Variants in TRMT1 observed in about 807,000 individuals in gnomAD.
TRMT1 encodes the protein tRNA (guanine(26)-N(2))-dimethyltransferase.
TRMT1 carries 63 observed loss-of-function variants against 75.4 expected under a neutral mutation model. The ratio of observed to expected loss-of-function variants is 0.84; its 90% CI spans 0.68 to 1.03. TRMT1 has a LOEUF of 1.03. Among genes scored for constraint, TRMT1 ranks in the 50% least tolerant of loss-of-function variants. The pLI is 0.00. For synonymous variants in TRMT1, 382 were observed against 358.1 expected, an observed-to-expected ratio of 1.07 and a Z score of -0.75; for missense variants, 870 against 905.3, an observed-to-expected ratio of 0.96 and a Z score of 0.50.
At chr19:13,112,264 C>T (rs1361148326) in intron 7 of TRMT1, among the ~76,000 whole-genome samples, 1 of 152,108 alleles carries the variant, frequency 6.6e-6, no homozygotes, top group Non-Finnish European at 1.5e-5. Context: ...GCTGGGATTA[C>T]AGGTGTGAGC....
chr19:13,116,488 CG>C (rs2019369779), intron 1 of TRMT1, 57 bp from the exon 2 acceptor site: 2 of 1,503,010 alleles, frequency 1.3e-6, no homozygotes, highest in South Asian at 1.3e-5. Context: ...ATTCCGGGCC[CG>C]GGGATGTCCT....
At chr19:13,113,981 C>T (rs530661268) in intron 5 of TRMT1, among the ~76,000 whole-genome samples, 9 of 152,152 alleles carry the variant, frequency 5.9e-5, no homozygotes, top group African/African-American at 1.9e-4. Flanking sequence ...TGGCCTCAAG[C>T]GATCCTCCTG....
chr19:13,107,857 G>A lies in TRMT1; in HGVS notation c.1400C>T (p.Ser467Leu), dbSNP rs1401241989. The A allele has an allele frequency of 7.1e-6, 11 of 1,551,462 alleles. No homozygotes were observed. The highest frequency in any genetic ancestry group is 2.4e-5 in the East Asian group (1 of 40,916). ...CNTPSLLQLR[S>L]ALLHADFRVS... ...CCGGAAGTCAGCGTGGAGGAGGGCC[G>A]ACCTGGGGAACAGCAGGGATTATGA... is the stretch of plus-strand genomic sequence containing the variant. Residue 467 changes from serine to leucine, a missense_variant and splice_region_variant, in exon 13 of 17, where the codon TCG (serine) becomes TTG (leucine). By Grantham distance (145) the Ser-to-Leu change is moderately radical. Transcript: ENST00000357720.
At chr19:13,112,123 G>A (rs1025373765) in intron 7 of TRMT1, among the ~76,000 whole-genome samples, 3 of 152,014 alleles carry the variant, frequency 2.0e-5, no homozygotes, top group African/African-American at 2.4e-5. Context: ...CTGAGTAGCC[G>A]GGATTACAGG....
chr19:13,115,605 G>T (rs778151722), intron 4 of TRMT1, 21 bp downstream of exon 4: 1 of 1,613,042 alleles, frequency 6.2e-7, no homozygotes, highest in Admixed American at 1.7e-5. Flanking sequence ...AGGGCTGCCA[G>T]CTCCTATGCT....
rs572800187 is a variant in TRMT1 at position 13,109,687 on chromosome 19, G to A, written c.1177-3C>T. The A allele has an allele frequency of 6.2e-7, 1 of 1,613,886 alleles. No homozygotes were observed. Among genetic ancestry groups the A allele is most frequent in the Admixed American group, 1.7e-5 (1 of 60,006 alleles). Reference sequence around the variant, plus strand: ...TCTGCCCACATGGGGCCACCAAGCTGGGGGCGCACCGGGGACAGGTGAGCA... The same window carrying A: ...TCTGCCCACATGGGGCCACCAAGCTAGGGGCGCACCGGGGACAGGTGAGCA... On this transcript the variant is annotated splice_polypyrimidine_tract_variant and splice_region_variant and intron_variant, in intron 10 of 16. Coordinates refer to ENST00000357720, the MANE Select transcript of TRMT1 (RefSeq NM_001136035.4).
chr19:13,109,944 G>C lies in TRMT1; in HGVS notation c.1077C>G (p.Leu359=), dbSNP rs764720724. Residue 359 remains leucine, a synonymous_variant, in exon 9 of 17, where the codon CTC becomes CTG. Transcript: ENST00000357720. ...VGCGAFHLQR[L]GKASGVPSGR... is the part of the protein sequence containing the mutation. The stretch of plus-strand genomic sequence containing the variant: ...CGCTGGGGACTCCTGACGCTTTGCC[G>C]AGACGCTGAAGGTGGAAGGCCCCGC... 6.2e-7 allele frequency: 1 copy of C among 1,613,912 alleles called. No homozygotes were observed. Among genetic ancestry groups the C allele is most frequent in the South Asian group, 1.1e-5 (1 of 91,082 alleles).
intron 14 of TRMT1, among the ~76,000 whole-genome samples, chr19:13,106,886 T>A (rs56045454): frequency 2.7e-5 from 4 of 150,188 alleles, no homozygotes; most frequent in South Asian, 4.2e-4. Flanking sequence ...GCAGTGGCGC[T>A]ATCTCGGCTC....
chr19:13,110,137 G>GC (rs764365199), intron 8 of TRMT1, 21 bp downstream of exon 8: 1 of 1,611,324 alleles, frequency 6.2e-7, no homozygotes, highest in Non-Finnish European at 8.5e-7. Flanking sequence ...ATCCACCACC[G>GC]CTCTCTGCCC....
intron 4 of TRMT1, 22 bp from the exon 5 acceptor site, chr19:13,115,488 C>T: frequency 6.2e-7 from 1 of 1,606,136 alleles, no homozygotes; most frequent in Non-Finnish European, 8.5e-7. Context: ...AGCAGAAAAC[C>T]TCCCTCACAT....
At position 13,107,573 on chromosome 19, in the gene TRMT1, C is replaced by T. The variant is rs762280388; in HGVS notation, c.1583+1G>A. On this transcript the variant is annotated splice_donor_variant, in intron 14 of 16. Coordinates refer to ENST00000357720, the MANE Select transcript of TRMT1 (RefSeq NM_001136035.4). LOFTEE classifies it high-confidence loss of function. Reference sequence around the variant, plus strand: ...CCGCTCCTGCATGTGCTTGCCCCTACCTGGGCTCCACACTGAGAATGCGGA... The same window carrying T: ...CCGCTCCTGCATGTGCTTGCCCCTATCTGGGCTCCACACTGAGAATGCGGA... 2.5e-6 allele frequency: 4 copies of T among 1,600,838 alleles called. No individual in the cohort carries two copies. The African/African-American group carries it at 5.4e-5, about 21-fold the overall frequency.
intron 14 of TRMT1, among the ~76,000 whole-genome samples, chr19:13,106,779 G>A (rs955640707): frequency 4.7e-5 from 7 of 149,808 alleles, no homozygotes; most frequent in African/African-American, 7.4e-5. Flanking sequence ...GAGCCACTAC[G>A]CCCAGCCCAG....
In TRMT1 at chr19:13,116,150, G is replaced by A; in HGVS notation, c.250C>T (p.Leu84=). ...YNPVQEFNRD[L]TCAVITEFAR... Reference sequence around the variant, plus strand: ...TAACGTCTGACCCCTGCTCACGTCAGGTCCCGATTGAATTCCTGCACCGGG... The same window carrying A: ...TAACGTCTGACCCCTGCTCACGTCAAGTCCCGATTGAATTCCTGCACCGGG... Residue 84 remains leucine, a synonymous_variant, in exon 2 of 17, where the codon CTG becomes TTG. Coordinates refer to ENST00000357720, the MANE Select transcript of TRMT1 (RefSeq NM_001136035.4). The A allele has an allele frequency of 6.2e-7, 1 of 1,614,092 alleles. No individual in the cohort carries two copies. Among genetic ancestry groups the A allele is most frequent in the Non-Finnish European group, 8.5e-7 (1 of 1,180,028 alleles).
At chr19:13,113,471 T>G (rs1431522847) in intron 5 of TRMT1, among the ~76,000 whole-genome samples, 1 of 151,224 alleles carries the variant, frequency 6.6e-6, no homozygotes, top group Admixed American at 6.6e-5. Flanking sequence ...CCTTGGTCAT[T>G]TATTAAACTG....
Position 13,105,375 on chromosome 19 carries a change from A to G in TRMT1, c.1725T>C (p.Ala575=). 6.2e-7 allele frequency: 1 copy of G among 1,613,714 alleles called. No individual in the cohort carries two copies. Among genetic ancestry groups the G allele is most frequent in the Non-Finnish European group, 8.5e-7 (1 of 1,179,964 alleles). The change falls in exon 16 of 17, where the codon GCT becomes GCC. Residue 575 remains alanine, a synonymous_variant. Coordinates refer to ENST00000357720, the MANE Select transcript of TRMT1 (RefSeq NM_001136035.4). ...GAAGCAGCCTGCGTCTCTCCTCCAT[A>G]GCTTCGTCGGCCGCCTTGCCCCTGT... ...ARPGGKAADE[A]MEERRRLLQN...
At position 13,115,465 on chromosome 19, in the gene TRMT1, T is replaced by G. The variant is rs1273134273; in HGVS notation, c.455A>C (p.Glu152Ala). Residue 152 changes from glutamate to alanine, a missense_variant and splice_region_variant, in exon 5 of 17, where the codon GAA becomes GCA. Coordinates refer to ENST00000357720, the MANE Select transcript of TRMT1 (RefSeq NM_001136035.4). ...RTAAVGEICE[E>A]GLHVLEGLAA... Reference sequence around the variant, plus strand: ...CAGGCCTTCCAGCACATGCAGGCCTTCCTGTTGGAGTAAGCAGAAAACCTC... The same window carrying G: ...CAGGCCTTCCAGCACATGCAGGCCTGCCTGTTGGAGTAAGCAGAAAACCTC... 1.2e-6 allele frequency: 2 copies of G among 1,612,122 alleles called. No individual in the cohort carries two copies. The highest frequency in any genetic ancestry group is 2.7e-5 in the African/African-American group (2 of 74,860).
Position 13,115,345 on chromosome 19 carries a change from A to C in TRMT1, c.575T>G (p.Leu192Arg). ...ATTGAGCTGGACATTCCGGCGTATGAGATCCACAGCCCGGGTGGAGGCATC... is the reference window on the plus strand; with the variant it reads ...ATTGAGCTGGACATTCCGGCGTATGCGATCCACAGCCCGGGTGGAGGCATC... ...ANDASTRAVDLIRRNVQLNDV... is the reference protein window; with the variant it reads ...ANDASTRAVDRIRRNVQLNDV... Residue 192 changes from leucine (L) to arginine (R), a missense_variant, in exon 5 of 17, where the codon CTC (leucine) becomes CGC (arginine). Transcript: ENST00000357720. The C allele has an allele frequency of 1.2e-6, 2 of 1,614,082 alleles. No homozygotes were observed. Among genetic ancestry groups the C allele is most frequent in the South Asian group, 2.2e-5 (2 of 91,084 alleles).
At chr19:13,116,113 C>G (rs1485650479) in intron 2 of TRMT1, 33 bp downstream of exon 2, 1 of 1,614,062 alleles carries the variant, frequency 6.2e-7, no homozygotes, top group Admixed American at 1.7e-5. Flanking sequence ...GACCCACTAG[C>G]CGATGCCAGG....
At chr19:13,109,520 C>T (rs780452250) in intron 11 of TRMT1, 30 bp downstream of exon 11, 15 of 1,613,814 alleles carry the variant, frequency 9.3e-6, no homozygotes, top group African/African-American at 2.7e-5. Flanking sequence ...ACAGGTGGAG[C>T]CCCCTTCCCC....
Sources: allele counts gnomAD v4.1 joint callset (sites outside exome capture counted in the v4.1 genomes callset), GRCh38; gene constraint gnomAD v4.1.1; transcripts MANE v1.5; gene names NCBI Gene and HGNC (gene_info 2026-07-23, HGNC 2026-07-21).